Variants in NAA15 observed in about 807,000 individuals in gnomAD.
NAA15 encodes the protein N-alpha-acetyltransferase 15, NatA auxiliary subunit.
NAA15 carries 34 observed loss-of-function variants against 114.0 expected under a neutral mutation model. The observed-to-expected ratio is 0.30, with a 90% CI of 0.23 to 0.40. NAA15 has a LOEUF of 0.40. NAA15 is among the 10% of genes least tolerant of loss of function. NAA15 has a pLI of 1.00. For missense variants in NAA15, 658 were observed against 1,004.5 expected, an observed-to-expected ratio of 0.66 and a Z score of 4.66; for synonymous variants, 340 against 338.0, an observed-to-expected ratio of 1.01 and a Z score of -0.06.
chr4:139,303,609 C>A (rs1745889762), intron 1 of NAA15, among the ~76,000 whole-genome samples: 1 of 152,082 alleles, frequency 6.6e-6, no homozygotes, highest in African/African-American at 2.4e-5. Flanking sequence ...CCAGGCTGGC[C>A]AACGTAGTGA....
At chr4:139,335,056 C>T (rs1004914416) in intron 2 of NAA15, among the ~76,000 whole-genome samples, 1 of 152,070 alleles carries the variant, frequency 6.6e-6, no homozygotes, top group African/African-American at 2.4e-5. Context: ...CTGGGGCTCA[C>T]TCCTAATGAT....
intron 1 of NAA15, among the ~76,000 whole-genome samples, chr4:139,305,614 C>T (rs1309209445): frequency 2.0e-5 from 3 of 151,472 alleles, no homozygotes; most frequent in African/African-American, 4.9e-5. Flanking sequence ...CTCGGCTCAC[C>T]GAAACCTCTG....
chr4:139,336,474 A>T (rs1747203758), intron 2 of NAA15, among the ~76,000 whole-genome samples: 1 of 152,148 alleles, frequency 6.6e-6, no homozygotes, highest in Admixed American at 6.5e-5. Context: ...TCACAGAAAT[A>T]AAGTATATTT....
intron 3 of NAA15, among the ~76,000 whole-genome samples, chr4:139,338,613 A>G (rs991438019): frequency 1.3e-5 from 2 of 151,726 alleles, no homozygotes; most frequent in Non-Finnish European, 2.9e-5. Context: ...AAGCCTGGCT[A>G]ATTTTTGTAT....
intron 1 of NAA15, among the ~76,000 whole-genome samples, chr4:139,308,583 T>G: frequency 6.6e-6 from 1 of 152,040 alleles, no homozygotes; most frequent in East Asian, 1.9e-4. Flanking sequence ...CATTCAGCTC[T>G]TAGTAGTTAA....
At chr4:139,331,907 A>G (rs1436163764) in intron 1 of NAA15, among the ~76,000 whole-genome samples, 1 of 152,096 alleles carries the variant, frequency 6.6e-6, no homozygotes, top group Non-Finnish European at 1.5e-5. Context: ...CCTATTATTT[A>G]GGCAGTTGAC....
chr4:139,327,168 C>G (rs1323995546), intron 1 of NAA15, among the ~76,000 whole-genome samples: 9 of 152,160 alleles, frequency 5.9e-5, no homozygotes, highest in African/African-American at 2.2e-4. Flanking sequence ...AACTCCTGGG[C>G]TCAAGCAATC....
Position 139,360,426 on chromosome 4 carries a change from T to C in NAA15, c.1411-74T>C, listed in dbSNP as rs987887251. The C allele has an allele frequency of 1.2e-5, 16 of 1,354,092 alleles. 1 individual carries two copies. The highest frequency in any genetic ancestry group is 2.0e-4 in the Middle Eastern group (1 of 5,086). The allele number at this position is 1,354,092 out of a possible 1,614,324, so 83.9% of individuals were successfully genotyped here. ...AGAGTCCCAATCAGCTTAACATCTT[T>C]GTTTTTTAAAATTCTGTGGTAGAAT... On this transcript the variant is annotated intron_variant, in intron 12 of 19. Coordinates refer to ENST00000296543, the MANE Select transcript of NAA15 (RefSeq NM_057175.5).
At position 139,372,740 on chromosome 4, in the gene NAA15, T is replaced by G. The variant is rs933451614; in HGVS notation, c.1947+2336T>G. The stretch of plus-strand genomic sequence containing the variant: ...CTCCCCCGCCCTTCAACCCCCCCTT[T>G]TTTTGGTGATTCTGTATTTCAGCTT... On this transcript the variant is annotated intron_variant, in intron 15 of 19. Transcript: ENST00000296543. Among the ~76,000 whole-genome samples the G allele has an allele frequency of 5.1e-5, 7 of 137,380 alleles. No homozygotes were observed. The South Asian group carries it at 1.9e-3, about 37-fold the overall frequency. 90.1% of individuals were successfully genotyped at this position (137,380 alleles called of 152,430 possible).
At chr4:139,331,617 A>ACTT (rs374722546) in intron 1 of NAA15, among the ~76,000 whole-genome samples, 11 of 127,852 alleles carry the variant, frequency 8.6e-5, no homozygotes, top group African/African-American at 2.9e-4. Context: ...TGCCCGGCTA[A>ACTT]TTTTTTTTTT....
intron 1 of NAA15, among the ~76,000 whole-genome samples, chr4:139,325,286 A>G (rs1230562462): frequency 6.6e-6 from 1 of 152,226 alleles, no homozygotes; most frequent in Non-Finnish European, 1.5e-5. Context: ...TTTAAAAGAT[A>G]AAAATTTTGG....
chr4:139,323,202 G>A (rs149323914), intron 1 of NAA15, among the ~76,000 whole-genome samples: 2,272 of 151,620 alleles, frequency 0.015, 51 homozygotes, highest in African/African-American at 0.051. Context: ...AATTACAGGC[G>A]CCTGCCACCA....
intron 14 of NAA15, 89 bp downstream of exon 14, chr4:139,362,026 T>C (rs1748148025): frequency 2.4e-6 from 2 of 822,566 alleles, no homozygotes; most frequent in East Asian, 2.7e-5. Context: ...TTGCTCCATG[T>C]CTTGAGCACC....
At chr4:139,326,287 C>T (rs949069101) in intron 1 of NAA15, among the ~76,000 whole-genome samples, 1 of 152,046 alleles carries the variant, frequency 6.6e-6, no homozygotes, top group African/African-American at 2.4e-5. Flanking sequence ...TATATAACCT[C>T]CTGGACCTCA....
At chr4:139,375,106 C>T (rs188739437) in intron 15 of NAA15, among the ~76,000 whole-genome samples, 5 of 152,150 alleles carry the variant, frequency 3.3e-5, no homozygotes, top group African/African-American at 1.2e-4. Context: ...CAGTTCTCTG[C>T]CTTTCTCTGA....
At chr4:139,315,953 C>T (rs953577506) in intron 1 of NAA15, among the ~76,000 whole-genome samples, 8 of 151,226 alleles carry the variant, frequency 5.3e-5, no homozygotes, top group East Asian at 1.9e-4. Context: ...CATTTTCTTA[C>T]GTGTGAAGTC....
intron 1 of NAA15, chr4:139,302,115 G>C (rs1024213504): frequency 2.7e-6 from 1 of 366,830 alleles, no homozygotes; most frequent in Admixed American, 4.6e-5. Context: ...CATTCTCCCC[G>C]ATCTGGGGGA....
intron 7 of NAA15, among the ~76,000 whole-genome samples, chr4:139,350,939 A>G (rs1303592186): frequency 6.6e-6 from 1 of 152,218 alleles, no homozygotes; most frequent in Admixed American, 6.5e-5. Context: ...CTTTTTCAGA[A>G]CTAAAGAAGT....
At chr4:139,340,883 T>C (rs746237019) in intron 3 of NAA15, 29 bp from the exon 4 acceptor site, 3 of 1,480,068 alleles carry the variant, frequency 2.0e-6, no homozygotes, top group Non-Finnish European at 2.7e-6. Context: ...TTTTGACTTG[T>C]AGGTTGTACC....
Sources: gnomAD v4.1 joint callset for allele counts (sites outside exome capture counted in the v4.1 genomes callset) on GRCh38, gnomAD v4.1.1 for gene constraint, MANE v1.5 for transcripts, NCBI Gene and HGNC (gene_info 2026-07-23, HGNC 2026-07-21) for gene names.